Variants in CXADR observed in about 807,000 individuals in gnomAD.
CXADR encodes the protein coxsackievirus and adenovirus receptor.
Under a neutral mutation model 40.3 loss-of-function variants are expected in CXADR, and 20 were observed. That is an observed-to-expected ratio of 0.50 (90% CI 0.35 to 0.72). CXADR has a LOEUF of 0.72. Ranked by LOEUF, CXADR falls within the 30% of genes least tolerant of loss-of-function variation. CXADR has a pLI of 0.01. For missense variants in CXADR, 332 were observed against 449.1 expected, an observed-to-expected ratio of 0.74 and a Z score of 2.36; for synonymous variants, 150 against 161.3, an observed-to-expected ratio of 0.93 and a Z score of 0.53.
At chr21:17,519,129 T>A in intron 1 of CXADR, 1 of 695,930 alleles carries the variant, frequency 1.4e-6, no homozygotes, top group Non-Finnish European at 2.5e-6. Flanking sequence ...ATGCCTCCCC[T>A]CCAAGGCAAG....
At chr21:17,605,205 G>C in the CXADR span, 1 of 505,504 alleles carries the variant, frequency 2.0e-6, no homozygotes, top group Non-Finnish European at 3.4e-6. Context: ...ACCTATGTGA[G>C]CCCAAGGAAA....
chr21:17,521,747 C>T (rs966914054), intron 1 of CXADR, among the ~76,000 whole-genome samples: 2 of 152,190 alleles, frequency 1.3e-5, no homozygotes, highest in African/African-American at 4.8e-5. Flanking sequence ...AGGACAGTAG[C>T]ATATCCCAGG....
intron 1 of CXADR, chr21:17,518,620 T>G (rs1175829508): frequency 6.4e-7 from 1 of 1,563,618 alleles, no homozygotes; most frequent in Non-Finnish European, 8.8e-7. Context: ...TGCTTTACTG[T>G]CCAAGACTTG....
At chr21:17,628,603 C>T in the CXADR span, among the ~76,000 whole-genome samples, 8 of 152,016 alleles carry the variant, frequency 5.3e-5, no homozygotes, top group Non-Finnish European at 1.0e-4. Context: ...CAGGTTCAAG[C>T]GATTTTCCTG....
chr21:17,590,946 A>G (rs1325711811), intron 7 of CXADR, among the ~76,000 whole-genome samples: 1 of 152,062 alleles, frequency 6.6e-6, no homozygotes, highest in Non-Finnish European at 1.5e-5. Flanking sequence ...CTCTTCAGAT[A>G]TATCTGAGTA....
At chr21:17,575,025 A>G (rs1443368848), downstream of CXADR, among the ~76,000 whole-genome samples, 4 of 151,832 alleles carry the variant, frequency 2.6e-5, no homozygotes, top group Non-Finnish European at 5.9e-5. Context: ...ACATACATAC[A>G]TACATACATA....
the CXADR span, among the ~76,000 whole-genome samples, chr21:17,607,969 G>C: frequency 6.6e-6 from 1 of 152,214 alleles, no homozygotes. Flanking sequence ...ACAAAAGACA[G>C]CTCCAAGTGA....
At position 17,537,561 on chromosome 21, in the gene CXADR, A is replaced by G. The variant is rs143880608; in HGVS notation, c.44-9466A>G. Among the ~76,000 whole-genome samples, 9 of 152,186 alleles carry G rather than the reference A, an allele frequency of 5.9e-5. No individual in the cohort carries two copies. In the East Asian group the frequency reaches 9.6e-4, roughly 16 times the overall value. On this transcript the variant is annotated intron_variant, in intron 1 of 6. Transcript: ENST00000284878. ...TCCTCTCTGTCCCTGCTTGAATTCTACAATGAGTCATGATCTTTAAAATCC... is the reference window on the plus strand; with the variant it reads ...TCCTCTCTGTCCCTGCTTGAATTCTGCAATGAGTCATGATCTTTAAAATCC...
the CXADR span, among the ~76,000 whole-genome samples, chr21:17,617,502 G>A: frequency 6.6e-6 from 1 of 152,190 alleles, no homozygotes; most frequent in Non-Finnish European, 1.5e-5. Context: ...GGCATACCTC[G>A]GAGATATTGC....
At chr21:17,598,725 C>T in the CXADR span, 5 of 1,614,038 alleles carry the variant, frequency 3.1e-6, no homozygotes, top group Non-Finnish European at 4.2e-6. Context: ...CAGAGGTAAC[C>T]TTATCAAGGG....
intron 1 of CXADR, chr21:17,518,499 T>A (rs1053013160): frequency 3.5e-6 from 3 of 846,282 alleles, no homozygotes; most frequent in Non-Finnish European, 6.2e-6. Flanking sequence ...TTCAATCTAG[T>A]CCATGCCAGC....
intron 1 of CXADR, among the ~76,000 whole-genome samples, chr21:17,513,488 G>A (rs1490950196): frequency 6.6e-6 from 1 of 152,238 alleles, no homozygotes; most frequent in African/African-American, 2.4e-5. Flanking sequence ...TCTCTGCCCC[G>A]GTGCGGGCTT....
At chr21:17,634,991 A>C in the CXADR span, among the ~76,000 whole-genome samples, 1 of 152,228 alleles carries the variant, frequency 6.6e-6, no homozygotes, top group Non-Finnish European at 1.5e-5. Flanking sequence ...CCTTGGACAT[A>C]ATCCCATGGT....
intron 1 of CXADR, among the ~76,000 whole-genome samples, chr21:17,522,487 C>T (rs1414659446): frequency 6.6e-6 from 1 of 152,128 alleles, no homozygotes; most frequent in Non-Finnish European, 1.5e-5. Flanking sequence ...GAAAAAATAG[C>T]CTGCATGTAC....
At chr21:17,586,855 A>G (rs1601063746) in intron 7 of CXADR, among the ~76,000 whole-genome samples, 1 of 152,248 alleles carries the variant, frequency 6.6e-6, no homozygotes, top group East Asian at 1.9e-4. Context: ...GTCATTTAAC[A>G]TTAGGTGTAT....
At chr21:17,574,695 T>G (rs1358546480), downstream of CXADR, among the ~76,000 whole-genome samples, 2 of 152,172 alleles carry the variant, frequency 1.3e-5, no homozygotes, top group Non-Finnish European at 2.9e-5. Flanking sequence ...GTCATCATGG[T>G]AGAGAATGCA....
the CXADR span, among the ~76,000 whole-genome samples, chr21:17,615,711 A>C: frequency 1.8e-4 from 27 of 152,204 alleles, no homozygotes; most frequent in African/African-American, 6.3e-4. Context: ...ATTCACTTCT[A>C]TTGTGTGTTA....
chr21:17,612,965 C>G, the CXADR span: 1 of 151,926 alleles, frequency 6.6e-6, no homozygotes, highest in Non-Finnish European at 1.5e-5. Flanking sequence ...GGCGATGACC[C>G]GGGAAAGGGT....
intron 6 of CXADR, among the ~76,000 whole-genome samples, chr21:17,564,525 ATTTTCTATACATGG>A (rs916034849): frequency 2.6e-5 from 4 of 151,864 alleles, no homozygotes; most frequent in African/African-American, 9.7e-5. Context: ...TTAAAACAAA[ATTTTCTATACATGG>A]TTTGTTGGCT....
Sources: gnomAD v4.1 joint callset for allele counts (sites outside exome capture counted in the v4.1 genomes callset) on GRCh38, gnomAD v4.1.1 for gene constraint, MANE v1.5 for transcripts, NCBI Gene and HGNC (gene_info 2026-07-23, HGNC 2026-07-21) for gene names.